RASGRF1: variants seen among roughly 807,000 people sequenced by gnomAD.
The protein encoded by RASGRF1 is Ras protein specific guanine nucleotide releasing factor 1, also known as ras-specific guanine nucleotide-releasing factor 1.
In RASGRF1, 40 loss-of-function variants were observed where a neutral mutation model predicts 138.7. The ratio of observed to expected loss-of-function variants is 0.29; its 90% CI spans 0.22 to 0.38. The LOEUF (loss-of-function observed/expected upper bound fraction) is 0.38. Among genes scored for constraint, RASGRF1 ranks in the 10% least tolerant of loss-of-function variants. The probability of loss-of-function intolerance (pLI) is 1.00; values close to 1 mark genes in which losing one functional copy is unlikely to be tolerated. For missense variants in RASGRF1, 1,108 were observed against 1,650.4 expected (o/e 0.67, Z 5.69); for synonymous variants, 614 against 663.2 (o/e 0.93, Z 1.14).
At chr15:78,993,776 C>T (rs2056330935) in intron 20 of RASGRF1, among the ~76,000 whole-genome samples, 1 of 152,076 alleles carries the variant, frequency 6.6e-6, no homozygotes, top group Admixed American at 6.5e-5. Flanking sequence ...GCTGTGGGGC[C>T]CAGAGGCCTG....
At chr15:79,077,876 C>A (rs1432753414) in intron 1 of RASGRF1, among the ~76,000 whole-genome samples, 2 of 145,098 alleles carry the variant, frequency 1.4e-5, no homozygotes, top group African/African-American at 5.1e-5. Flanking sequence ...GCTGCCTGGG[C>A]CTCTGCTCAT....
chr15:79,063,274 C>A (rs547500552), intron 2 of RASGRF1, among the ~76,000 whole-genome samples: 8 of 152,268 alleles, frequency 5.3e-5, no homozygotes, highest in Admixed American at 2.6e-4. Flanking sequence ...ACAACCTGGT[C>A]TCTGTAGCTA....
chr15:78,996,060 C>T (rs2056385421), intron 19 of RASGRF1, among the ~76,000 whole-genome samples: 1 of 152,222 alleles, frequency 6.6e-6, no homozygotes, highest in Admixed American at 6.5e-5. Flanking sequence ...CTTTCTGCCA[C>T]CTCAGGCAGG....
At chr15:79,029,440 A>G (rs1389420309) in intron 8 of RASGRF1, among the ~76,000 whole-genome samples, 1 of 152,202 alleles carries the variant, frequency 6.6e-6, no homozygotes, top group African/African-American at 2.4e-5. Context: ...TTTCCTGAGC[A>G]GCTGCAGTTT....
At chr15:79,004,993 G>T (rs1487474911) in intron 14 of RASGRF1, 2 of 985,442 alleles carry the variant, frequency 2.0e-6, no homozygotes, top group East Asian at 1.1e-4. Context: ...CAGCCTCTTT[G>T]TTCTGCAGGG....
At chr15:79,045,325 C>A (rs562373214) in intron 5 of RASGRF1, among the ~76,000 whole-genome samples, 1 of 152,218 alleles carries the variant, frequency 6.6e-6, no homozygotes, top group African/African-American at 2.4e-5. Flanking sequence ...ACGTTCTTCA[C>A]ATTTTTCATT....
chr15:79,040,291 G>C (rs1330700369), intron 5 of RASGRF1, among the ~76,000 whole-genome samples: 2 of 151,948 alleles, frequency 1.3e-5, no homozygotes, highest in Non-Finnish European at 2.9e-5. Flanking sequence ...GCTGTCTTCT[G>C]TCTGTTGCAT....
chr15:78,984,827 G>C (rs766598343), intron 23 of RASGRF1, 180 bp downstream of exon 23: 2 of 665,614 alleles, frequency 3.0e-6, no homozygotes, highest in African/African-American at 3.6e-5. Flanking sequence ...TGCCATATCT[G>C]TGGGCCTGCT....
chr15:79,033,586 T>TC (rs1332954656), intron 6 of RASGRF1, among the ~76,000 whole-genome samples: 108 of 135,552 alleles, frequency 8.0e-4, no homozygotes, highest in African/African-American at 2.5e-3. Flanking sequence ...CTTTTCTTTT[T>TC]TTTTTTTTTT....
intron 1 of RASGRF1, among the ~76,000 whole-genome samples, chr15:79,086,959 A>G (rs1233817062): frequency 6.6e-6 from 1 of 152,174 alleles, no homozygotes; most frequent in South Asian, 2.1e-4. Flanking sequence ...GTCAGGACTG[A>G]GCAAAGGGCC....
At chr15:79,039,296 C>CAAAA (rs71148587) in intron 5 of RASGRF1, among the ~76,000 whole-genome samples, 6 of 50,366 alleles carry the variant, frequency 1.2e-4, no homozygotes, top group Admixed American at 2.7e-4. Context: ...GACCCTGTCT[C>CAAAA]AAAAAAAAAA....
At chr15:79,081,297 A>G (rs201599002) in intron 1 of RASGRF1, among the ~76,000 whole-genome samples, 2 of 152,338 alleles carry the variant, frequency 1.3e-5, no homozygotes, top group African/African-American at 4.8e-5. Context: ...CACGGCTGGG[A>G]TGGGAGTGGA....
chr15:78,983,794 G>C (rs532525422), intron 23 of RASGRF1, among the ~76,000 whole-genome samples: 1 of 152,336 alleles, frequency 6.6e-6, no homozygotes, highest in East Asian at 1.9e-4. Context: ...CTGTGCTCCT[G>C]AGCTCTGCTC....
In RASGRF1 at chr15:78,999,880, A is replaced by G. The variant is rs750299084; in HGVS notation, c.2609T>C (p.Val870Ala). ...FPLFSYNNGV[V>A]MTSCRELDNN... Reference sequence around the variant, plus strand: ...GTCCAGTTCACGACAGGAGGTCATGACGACTCCATTGTTATAGGAAAAGAG... The same window carrying G: ...GTCCAGTTCACGACAGGAGGTCATGGCGACTCCATTGTTATAGGAAAAGAG... The change falls in exon 17 of 27, where the codon GTC (valine) becomes GCC (alanine). Residue 870 changes from valine to alanine, a missense_variant. Around this residue, in one of 3 missense-constraint regions of RASGRF1, gnomAD observed 686 missense variants for 976.7 expected, o/e 0.70. Coordinates refer to ENST00000558480, the MANE Select transcript of RASGRF1 (RefSeq NM_001145648.3). The G allele has an allele frequency of 1.2e-6, 2 of 1,614,146 alleles. No individual in the cohort carries two copies. Among genetic ancestry groups the G allele is most frequent in the East Asian group, 2.2e-5 (1 of 44,874 alleles).
chr15:79,014,038 A>G (rs1257304382), intron 13 of RASGRF1, among the ~76,000 whole-genome samples: 2 of 152,248 alleles, frequency 1.3e-5, no homozygotes, highest in African/African-American at 2.4e-5. Flanking sequence ...CAGATGAACC[A>G]TAACAAAACT....
At chr15:79,067,272 C>A (rs1001121801) in intron 1 of RASGRF1, among the ~76,000 whole-genome samples, 5 of 152,292 alleles carry the variant, frequency 3.3e-5, no homozygotes, top group Admixed American at 1.3e-4. Flanking sequence ...GAACTGCAGT[C>A]CAGGCAGCTG....
intron 24 of RASGRF1, chr15:78,978,352 G>A (rs1457681848): frequency 4.0e-6 from 1 of 247,492 alleles, no homozygotes; most frequent in Non-Finnish European, 6.4e-6. Context: ...AGCCTCCCAA[G>A]TAGCTGGGAT....
rs907431816 is a variant in RASGRF1 at position 78,999,785 on chromosome 15, G to A, written c.2704C>T (p.Pro902Ser). The A allele has an allele frequency of 1.9e-6, 3 of 1,614,010 alleles. No homozygotes were observed. The highest frequency in any genetic ancestry group is 2.7e-5 in the African/African-American group (2 of 74,918). ...IATAGANEGTPNKEKYRRMSL... is the reference protein window; with the variant it reads ...IATAGANEGTSNKEKYRRMSL... Reference sequence around the variant, plus strand: ...ATCCTCCGGTACTTCTCCTTGTTTGGGGTGCCCTCGTTGGCCCCGGCGGTT... The same window carrying A: ...ATCCTCCGGTACTTCTCCTTGTTTGAGGTGCCCTCGTTGGCCCCGGCGGTT... The change falls in exon 17 of 27, where the codon CCA becomes TCA. Residue 902 changes from proline (P) to serine (S), a missense_variant. Pro to Ser is a moderately conservative substitution (Grantham distance 74, BLOSUM62 -1). Transcript: ENST00000558480.
In RASGRF1 at chr15:79,006,750, G is replaced by A. The variant is rs1413764165; in HGVS notation, c.1827-316C>T. Among the ~76,000 whole-genome samples the A allele has an allele frequency of 1.3e-5, 2 of 152,210 alleles. No homozygotes were observed. Among genetic ancestry groups the A allele is most frequent in the African/African-American group, 2.4e-5 (1 of 41,450 alleles). ...ATGTGGATGGGGTGCAGTGGCTCAC[G>A]CCTGTAATCCCAGCACTTTGGGAGG... On this transcript the variant is annotated intron_variant, in intron 13 of 26. Coordinates refer to ENST00000558480, the MANE Select transcript of RASGRF1 (RefSeq NM_001145648.3). This position sits in a 1 kb window ranked among gnomAD's most constrained non-coding sequence, Gnocchi z 4.0.
Sources: gnomAD v4.1 joint callset for allele counts (sites outside exome capture counted in the v4.1 genomes callset) on GRCh38, gnomAD v4.1.1 for gene constraint, gnomAD v4.1.1 regional missense constraint, Gnocchi (gnomAD v3.1) non-coding constraint, MANE v1.5 for transcripts, NCBI Gene and HGNC (gene_info 2026-07-23, HGNC 2026-07-21) for gene names.